Variants in TOPAZ1 observed in about 807,000 individuals in gnomAD.
TOPAZ1 encodes the protein protein TOPAZ1.
Under a neutral mutation model 172.2 loss-of-function variants are expected in TOPAZ1, and 66 were observed. The ratio of observed to expected loss-of-function variants is 0.38; its 90% confidence interval spans 0.31 to 0.47. The LOEUF (loss-of-function observed/expected upper bound fraction) is 0.47, where lower values mean the gene tolerates loss of function less well. Among genes scored for constraint, TOPAZ1 ranks in the 20% least tolerant of loss-of-function variants. The pLI, the probability that TOPAZ1 is intolerant of heterozygous loss-of-function variation, is 0.99. For synonymous variants in TOPAZ1, 681 were observed against 683.9 expected, an observed-to-expected ratio of 1.00 and a Z score of 0.07; for missense variants, 1,822 against 1,972.4, an observed-to-expected ratio of 0.92 and a Z score of 1.44.
At chr3:44,291,064 G>C (rs1700131637) in intron 12 of TOPAZ1, among the ~76,000 whole-genome samples, 178 bp downstream of exon 12, 1 of 152,000 alleles carries the variant, frequency 6.6e-6, no homozygotes, top group African/African-American at 2.4e-5. Context: ...CCTGTGGCCA[G>C]CCTCACCTTA....
intron 8 of TOPAZ1, among the ~76,000 whole-genome samples, chr3:44,271,819 C>T (rs986230023): frequency 1.4e-4 from 21 of 152,052 alleles, no homozygotes; most frequent in Non-Finnish European, 2.8e-4. Context: ...ATAGTCACCA[C>T]TCCATACAAT....
intron 12 of TOPAZ1, among the ~76,000 whole-genome samples, chr3:44,298,909 A>AT (rs1220596657): frequency 2.2e-4 from 9 of 41,322 alleles, no homozygotes; most frequent in Non-Finnish European, 3.5e-4. Flanking sequence ...ATATATATAT[A>AT]TTTTTTTTTT....
chr3:44,324,385 C>T (rs1700574138), intron 18 of TOPAZ1, among the ~76,000 whole-genome samples: 1 of 151,816 alleles, frequency 6.6e-6, no homozygotes, highest in Non-Finnish European at 1.5e-5. Context: ...ATACTATTTA[C>T]CTTCAGACTT....
chr3:44,270,025 T>C (rs1440588607), intron 7 of TOPAZ1, among the ~76,000 whole-genome samples: 2 of 152,056 alleles, frequency 1.3e-5, no homozygotes, highest in Non-Finnish European at 2.9e-5. Flanking sequence ...TATTCACAAA[T>C]AGTGTAAGAG....
Position 44,269,471 on chromosome 3 carries a change from C to CTTTTTTTTTTTTTTTTTTTTTTTTTTTTT in TOPAZ1, c.3246+173_3246+201dup, listed in dbSNP as rs71085612. ...CCTTTTGATTGTATTTCCCTATCAT[C>CTTTTTTTTTTTTTTTTTTTTTTTTTTTTT]TTTTTTTTTTTTTTTTTTTTTTTTT... On this transcript the variant is annotated intron_variant, in intron 7 of 19. Transcript: ENST00000309765. Among the ~76,000 whole-genome samples the CTTTTTTTTTTTTTTTTTTTTTTTTTTTTT allele has an allele frequency of 4.7e-4, 16 of 33,934 alleles. 3 individuals are homozygous for CTTTTTTTTTTTTTTTTTTTTTTTTTTTTT. The highest frequency in any genetic ancestry group is 4.3e-4 in the Non-Finnish European group (9 of 20,942). 22.3% of individuals were successfully genotyped at this position (33,934 alleles called of 152,430 possible).
chr3:44,290,334 T>C (rs1700122908), intron 11 of TOPAZ1, among the ~76,000 whole-genome samples: 1 of 152,096 alleles, frequency 6.6e-6, no homozygotes, highest in African/African-American at 2.4e-5. Context: ...TTTAATTACG[T>C]GCTATGTTAC....
In TOPAZ1 at chr3:44,275,697, T is replaced by C. The variant is rs193036742; in HGVS notation, c.3372+4887T>C. The stretch of plus-strand genomic sequence containing the variant: ...TATCCCTTTAATTTACTAATTTTTT[T>C]TTCTTTGGATAAATACCCAGTAGTG... On this transcript the variant is annotated intron_variant, in intron 8 of 19. Transcript: ENST00000309765. Among the ~76,000 whole-genome samples, 9 of 152,212 alleles carry C rather than the reference T, an allele frequency of 5.9e-5. No homozygotes were observed. In the East Asian group the frequency reaches 1.5e-3, roughly 26 times the overall value.
At chr3:44,309,103 A>G (rs1378805469) in intron 15 of TOPAZ1, among the ~76,000 whole-genome samples, 1 of 152,254 alleles carries the variant, frequency 6.6e-6, no homozygotes, top group South Asian at 2.1e-4. Flanking sequence ...AGCCTAAGCT[A>G]CTTACTATCT....
At chr3:44,257,352 GGTGTGTGTGT>G (rs59827431) in intron 4 of TOPAZ1, among the ~76,000 whole-genome samples, 2,444 of 110,362 alleles carry the variant, frequency 0.022, 85 homozygotes, top group African/African-American at 0.07. Flanking sequence ...AAAACATAGG[GGTGTGTGTGT>G]GTGTGTGTGT....
rs560187629 is a variant in TOPAZ1 at position 44,263,454 on chromosome 3, A to G, written c.3020+971A>G. Reference sequence around the variant, plus strand: ...AGTCATCTGATCAAAAATAAAAAATAGATCATCTCTTCCATCTATAAAAAT... The same window carrying G: ...AGTCATCTGATCAAAAATAAAAAATGGATCATCTCTTCCATCTATAAAAAT... On this transcript the variant is annotated intron_variant, in intron 5 of 19. Transcript: ENST00000309765. 3.0e-4 allele frequency among the ~76,000 whole-genome samples: 45 copies of G among 152,236 alleles called. 1 individual carries two copies. The highest frequency in any genetic ancestry group is 5.7e-4 in the Non-Finnish European group (39 of 68,038).
intron 9 of TOPAZ1, among the ~76,000 whole-genome samples, chr3:44,285,232 G>T (rs916572192): frequency 1.3e-5 from 2 of 152,160 alleles, no homozygotes; most frequent in Admixed American, 1.3e-4. Context: ...GGAGCCTGAG[G>T]TGGGTGGATT....
chr3:44,329,568 T>G (rs976328160), intron 19 of TOPAZ1, among the ~76,000 whole-genome samples: 3 of 152,216 alleles, frequency 2.0e-5, no homozygotes, highest in African/African-American at 7.2e-5. Flanking sequence ...GATTTTACCC[T>G]ATTGCAAGCT....
intron 5 of TOPAZ1, among the ~76,000 whole-genome samples, chr3:44,263,328 C>T (rs918007355): frequency 6.6e-6 from 1 of 152,126 alleles, no homozygotes; most frequent in African/African-American, 2.4e-5. Flanking sequence ...TACAAACTAA[C>T]ATAGTGTAAT....
rs183726481 is a variant in TOPAZ1, at chr3:44,265,273, A to G, written c.3021-1724A>G. On this transcript the variant is annotated intron_variant, in intron 5 of 19. Transcript: ENST00000309765. ...TGTTGTGTTAGCAGGCATAAAAACA[A>G]CATTCAGACTGGGCATGGTGGCTCA... Among the ~76,000 whole-genome samples the G allele has an allele frequency of 5.9e-5, 9 of 152,352 alleles. No homozygotes were observed. In the East Asian group the frequency reaches 1.7e-3, roughly 29 times the overall value.
In TOPAZ1 at chr3:44,309,964, T is replaced by C. The variant is rs1700380143; in HGVS notation, c.4280T>C (p.Leu1427Pro). The C allele has an allele frequency of 6.5e-7, 1 of 1,550,356 alleles. No individual in the cohort carries two copies. Among genetic ancestry groups the C allele is most frequent in the Non-Finnish European group, 8.7e-7 (1 of 1,146,694 alleles). ...GAAATTTTTCTAAAAAGTGGAAGCC[T>C]AGATGGTGCCATTTGGGTAATGAGG... is the stretch of plus-strand genomic sequence containing the variant. ...AAEIFLKSGSLDGAIWVMRES... is the reference protein window; with the variant it reads ...AAEIFLKSGSPDGAIWVMRES... The change falls in exon 16 of 20, where the codon CTA becomes CCA. Residue 1427 changes from leucine (L) to proline (P), a missense_variant. By Grantham distance (98) the Leu-to-Pro change is moderately conservative. This residue lies in a region of TOPAZ1 where 333 missense variants were observed against 481.7 expected (regional missense o/e 0.69). Transcript: ENST00000309765.
chr3:44,291,159 T>TG (rs1700132993), intron 12 of TOPAZ1, among the ~76,000 whole-genome samples: 1 of 152,148 alleles, frequency 6.6e-6, no homozygotes, highest in Non-Finnish European at 1.5e-5. Context: ...CACCACTTAA[T>TG]TACACCTAAT....
chr3:44,287,638 G>T, intron 10 of TOPAZ1, 98 bp downstream of exon 10: 2 of 1,060,444 alleles, frequency 1.9e-6, no homozygotes, highest in South Asian at 3.8e-5. Context: ...TGTATTTGTT[G>T]AATACTTCCT....
At chr3:44,282,464 C>T (rs563287621) in intron 9 of TOPAZ1, among the ~76,000 whole-genome samples, 5 of 152,320 alleles carry the variant, frequency 3.3e-5, no homozygotes, top group African/African-American at 1.2e-4. Flanking sequence ...TTCAAGGCTA[C>T]TATTACCACT....
At chr3:44,319,238 GA>G (rs999702008) in intron 16 of TOPAZ1, among the ~76,000 whole-genome samples, 1 of 151,970 alleles carries the variant, frequency 6.6e-6, no homozygotes, top group Non-Finnish European at 1.5e-5. Context: ...TGGCAACACA[GA>G]AAAAAACAAA....
Sources: gnomAD v4.1 joint callset for allele counts (sites outside exome capture counted in the v4.1 genomes callset) on GRCh38, gnomAD v4.1.1 for gene constraint, gnomAD v4.1.1 regional missense constraint, MANE v1.5 for transcripts, NCBI Gene and HGNC (gene_info 2026-07-23, HGNC 2026-07-21) for gene names.